The following EPB41L3 variants were observed in gnomAD, a reference collection of about 807,000 sequenced individuals.
The protein encoded by EPB41L3 is band 4.1-like protein 3.
A neutral mutation model predicts 127.1 loss-of-function variants in EPB41L3; 57 were observed. That is an observed-to-expected ratio of 0.45 (90% confidence interval 0.36 to 0.56). The LOEUF (loss-of-function observed/expected upper bound fraction) is 0.56, where lower values mean the gene tolerates loss of function less well. EPB41L3 is among the 20% of genes least tolerant of loss of function. The pLI, the probability that EPB41L3 is intolerant of heterozygous loss-of-function variation, is 0.00. For missense variants in EPB41L3, 1,273 were observed against 1,372.2 expected, an observed-to-expected ratio of 0.93 and a Z score of 1.14; for synonymous variants, 572 against 549.5, an observed-to-expected ratio of 1.04 and a Z score of -0.57.
rs754616014 is a variant in EPB41L3 at position 5,443,867 on chromosome 18, G to T, written c.500C>A (p.Pro167His). The T allele has an allele frequency of 2.5e-6, 4 of 1,607,696 alleles. No homozygotes were observed. The Admixed American group carries it at 6.8e-5, about 28-fold the overall frequency. Reference protein sequence around the residue: ...DAENQKNWLDPAKEIKKQVRS... With the variant: ...DAENQKNWLDHAKEIKKQVRS... ...AACCTGTTTTTTTATTTCCTTAGCA[G>T]GGTCCAACCAATTCTGAAAAGGAAA... is the stretch of plus-strand genomic sequence containing the variant. Residue 167 changes from proline to histidine, a missense_variant, in exon 5 of 23, where the codon CCT (proline) becomes CAT (histidine). Coordinates refer to ENST00000341928, the MANE Select transcript of EPB41L3 (RefSeq NM_012307.5).
intron 3 of EPB41L3, among the ~76,000 whole-genome samples, chr18:5,474,170 G>C (rs1355512115): frequency 6.6e-6 from 1 of 151,864 alleles, no homozygotes; most frequent in Non-Finnish European, 1.5e-5. Flanking sequence ...GGCGGAGCTT[G>C]CAGTGAGCCG....
chr18:5,498,518 T>A (rs2091400148), intron 1 of EPB41L3, among the ~76,000 whole-genome samples: 1 of 139,842 alleles, frequency 7.2e-6, no homozygotes, highest in Admixed American at 8.1e-5. Flanking sequence ...CACTTGAACC[T>A]GGGAGGTGGA....
chr18:5,502,474 TCC>T (rs2091828535), intron 1 of EPB41L3, among the ~76,000 whole-genome samples: 1 of 152,222 alleles, frequency 6.6e-6, no homozygotes, highest in Admixed American at 6.5e-5. Flanking sequence ...TAGTTTTAAA[TCC>T]TTTAGCTCGT....
chr18:5,424,810 TG>T (rs2077934180), intron 9 of EPB41L3, among the ~76,000 whole-genome samples: 1 of 152,216 alleles, frequency 6.6e-6, no homozygotes, highest in South Asian at 2.1e-4. Flanking sequence ...TCCTAATACC[TG>T]GGCAGGAAAT....
intron 3 of EPB41L3, among the ~76,000 whole-genome samples, chr18:5,461,567 T>C (rs1214876257): frequency 6.6e-6 from 1 of 152,196 alleles, no homozygotes; most frequent in Non-Finnish European, 1.5e-5. Context: ...ATCAAAGCAT[T>C]TCATGAATTA....
rs1329725786 is a variant in EPB41L3, at chr18:5,462,671, A to ATTT, written c.381+15569_381+15570insAAA. The stretch of plus-strand genomic sequence containing the variant: ...TTTGTCAAAGCTGTCCCCACTCCCT[A>ATTT]CTTCAAAGGTTAGTATCCCCCAGAG... On this transcript the variant is annotated intron_variant, in intron 3 of 22. Coordinates refer to ENST00000341928, the MANE Select transcript of EPB41L3 (RefSeq NM_012307.5). Among the ~76,000 whole-genome samples the ATTT allele has an allele frequency of 2.6e-5, 4 of 152,126 alleles. No homozygotes were observed. The East Asian group carries it at 5.8e-4, about 22-fold the overall frequency.
At chr18:5,561,483 G>A (rs1195530291) in intron 3 of EPB41L3, among the ~76,000 whole-genome samples, 6 of 151,670 alleles carry the variant, frequency 4.0e-5, no homozygotes, top group Non-Finnish European at 8.8e-5. Flanking sequence ...AAGGAATCTA[G>A]TAAATACCCA....
chr18:5,464,984 G>A (rs928794560), intron 3 of EPB41L3, among the ~76,000 whole-genome samples: 7 of 152,172 alleles, frequency 4.6e-5, no homozygotes, highest in African/African-American at 1.7e-4. Flanking sequence ...GTCCATTCAG[G>A]ATAAGAGACA....
At chr18:5,616,583 G>C (rs1255213134) in intron 1 of EPB41L3, among the ~76,000 whole-genome samples, 3 of 151,974 alleles carry the variant, frequency 2.0e-5, no homozygotes, top group Non-Finnish European at 4.4e-5. Context: ...ATATGTAAGA[G>C]ATGAAGCATA....
intron 1 of EPB41L3, among the ~76,000 whole-genome samples, chr18:5,620,380 A>G (rs566756892): frequency 6.6e-6 from 1 of 152,348 alleles, no homozygotes; most frequent in East Asian, 1.9e-4. Context: ...ACCTGAAAGG[A>G]AAGAGTATAC....
intron 3 of EPB41L3, among the ~76,000 whole-genome samples, chr18:5,562,272 T>C (rs2094144106): frequency 6.6e-6 from 1 of 152,310 alleles, no homozygotes; most frequent in South Asian, 2.1e-4. Context: ...ATAACTCCTC[T>C]GTATGTCTAA....
intron 3 of EPB41L3, among the ~76,000 whole-genome samples, chr18:5,446,586 AAAT>A (rs1427913266): frequency 6.6e-6 from 1 of 152,272 alleles, no homozygotes; most frequent in African/African-American, 2.4e-5. Context: ...GTCTATGCCA[AAAT>A]AATAAGCATT....
intron 3 of EPB41L3, among the ~76,000 whole-genome samples, chr18:5,449,324 A>G (rs996982627): frequency 6.6e-6 from 1 of 152,232 alleles, no homozygotes. Context: ...CCAGAACAAT[A>G]AAAACACCAA....
chr18:5,596,676 T>C (rs908851758), intron 3 of EPB41L3, among the ~76,000 whole-genome samples: 1 of 152,192 alleles, frequency 6.6e-6, no homozygotes, highest in Admixed American at 6.5e-5. Context: ...AAACATTTTC[T>C]GTTGTTTTTC....
intron 3 of EPB41L3, among the ~76,000 whole-genome samples, chr18:5,475,336 G>A (rs936498760): frequency 1.3e-5 from 2 of 152,094 alleles, no homozygotes; most frequent in Admixed American, 1.3e-4. Flanking sequence ...TTTCTGTTGA[G>A]GAAACCTAGG....
intron 3 of EPB41L3, among the ~76,000 whole-genome samples, chr18:5,609,681 A>G (rs1361173253): frequency 6.6e-6 from 1 of 152,234 alleles, no homozygotes; most frequent in African/African-American, 2.4e-5. Flanking sequence ...GACTTATATT[A>G]GAAACAATTT....
At chr18:5,514,117 T>C (rs987053137) in intron 1 of EPB41L3, among the ~76,000 whole-genome samples, 4 of 152,210 alleles carry the variant, frequency 2.6e-5, no homozygotes, top group East Asian at 3.9e-4. Context: ...AACAGCAACA[T>C]AGCTGACATC....
rs956940152 is a variant in EPB41L3, at chr18:5,520,228, T to C, written c.-12+23685A>G. On this transcript the variant is annotated intron_variant, in intron 1 of 22. Transcript: ENST00000341928. Reference sequence around the variant, plus strand: ...ATAAGTTGGACATGTTTCTGAGTCATAGTGTATTAATCTAGAAGAGACAAT... The same window carrying C: ...ATAAGTTGGACATGTTTCTGAGTCACAGTGTATTAATCTAGAAGAGACAAT... Among the ~76,000 whole-genome samples, 5 of 152,206 alleles carry C rather than the reference T, an allele frequency of 3.3e-5. No individual in the cohort carries two copies. The East Asian group carries it at 7.7e-4, about 23-fold the overall frequency.
At chr18:5,593,375 T>C (rs1332925886) in intron 3 of EPB41L3, among the ~76,000 whole-genome samples, 1 of 152,058 alleles carries the variant, frequency 6.6e-6, no homozygotes, top group Non-Finnish European at 1.5e-5. Flanking sequence ...CACATTTTGG[T>C]AGGTTCCAAG....
Sources: allele counts gnomAD v4.1 joint callset (sites outside exome capture counted in the v4.1 genomes callset), GRCh38; gene constraint gnomAD v4.1.1; transcripts MANE v1.5; gene names NCBI Gene and HGNC (gene_info 2026-07-23, HGNC 2026-07-21).